Variants in FLNC observed in about 807,000 individuals in gnomAD.
The protein encoded by FLNC is filamin C, also known as filamin-C.
A neutral mutation model predicts 254.3 loss-of-function variants in FLNC; 91 were observed. The ratio of observed to expected loss-of-function variants is 0.36; its 90% CI spans 0.30 to 0.43. FLNC has a LOEUF of 0.43. Ranked by LOEUF, FLNC falls within the 20% of genes least tolerant of loss-of-function variation. The probability of loss-of-function intolerance (pLI) is 1.00; values close to 1 mark genes in which losing one functional copy is unlikely to be tolerated. For synonymous variants in FLNC, 1,430 were observed against 1,577.2 expected (o/e 0.91, Z 2.21); for missense variants, 2,853 against 3,802.6 (o/e 0.75, Z 6.57).
chr7:128,851,659 A>C, intron 35 of FLNC, 31 bp downstream of exon 35: 1 of 1,610,720 alleles, frequency 6.2e-7, no homozygotes, highest in East Asian at 2.2e-5. Flanking sequence ...TGTACAGCCC[A>C]TGAGGCACAC....
At chr7:128,843,641 C>T in intron 18 of FLNC, 64 bp downstream of exon 18, 1 of 1,582,652 alleles carries the variant, frequency 6.3e-7, no homozygotes, top group Non-Finnish European at 8.7e-7. Flanking sequence ...TCTCCCTCCT[C>T]CAGTCCCATG....
Position 128,854,476 on chromosome 7 carries a change from C to T in FLNC, c.6791C>T (p.Ala2264Val), listed in dbSNP as rs2128939470. The change falls in exon 41 of 48, where the codon GCA (alanine) becomes GTA (valine). Residue 2264 changes from alanine to valine, a missense_variant. By Grantham distance (64) the Ala-to-Val change is moderately conservative. Transcript: ENST00000325888. ...VTSPSGKVEA[A>V]EIVEGEDSAY... Reference sequence around the variant, plus strand: ...AGCCCATCGGGCAAGGTGGAAGCCGCAGAGATCGTCGAGGGCGAGGACAGC... The same window carrying T: ...AGCCCATCGGGCAAGGTGGAAGCCGTAGAGATCGTCGAGGGCGAGGACAGC... 7.5e-6 allele frequency: 12 copies of T among 1,608,268 alleles called. No homozygotes were observed. Among genetic ancestry groups the T allele is most frequent in the Non-Finnish European group, 9.3e-6 (11 of 1,177,814 alleles).
Position 128,843,828 on chromosome 7 carries a change from G to A in FLNC, c.2844G>A (p.Gly948=), listed in dbSNP as rs753209849. The A allele has an allele frequency of 3.7e-6, 6 of 1,613,894 alleles. No homozygotes were observed. The East Asian group carries it at 1.1e-4, about 30-fold the overall frequency. Residue 948 remains glycine, a synonymous_variant, in exon 19 of 48, where the codon GGG becomes GGA. Coordinates refer to ENST00000325888, the MANE Select transcript of FLNC (RefSeq NM_001458.5). The part of the protein sequence containing the change: ...GNMAVTVTYG[G]DPVPKSPFVV... ...TGGCAGTGACAGTGACTTATGGCGG[G>A]GACCCTGTCCCCAAGAGCCCCTTTG...
In FLNC at chr7:128,857,960, C is replaced by T. The variant is rs775282450; in HGVS notation, c.7781-48C>T. ...CGAGGGTCCCCTGCCTGGGGAAGAA[C>T]AGGAAGCCCTTCTGACTAGGTTTGT... On this transcript the variant is annotated intron_variant, in intron 46 of 47. Coordinates refer to ENST00000325888, the MANE Select transcript of FLNC (RefSeq NM_001458.5). This position sits in a 1 kb window ranked among gnomAD's most constrained non-coding sequence, Gnocchi z 4.5. 18 of 1,373,468 alleles carry T rather than the reference C, an allele frequency of 1.3e-5. No individual in the cohort carries two copies. The Admixed American group carries it at 1.5e-4, about 12-fold the overall frequency. The allele number at this position is 1,373,468 out of a possible 1,614,324, so 85.1% of individuals were successfully genotyped here.
In FLNC at chr7:128,858,676, C is replaced by G. The variant is rs1809177347; in HGVS notation, c.*153C>G. ...TGGGGGTGAAGTGAAGGCCCAGCCT[C>G]CCCACCCCACCGCGCCCCAGGGGTT... On this transcript the variant is annotated 3_prime_UTR_variant, in exon 48 of 48. Coordinates refer to ENST00000325888, the MANE Select transcript of FLNC (RefSeq NM_001458.5). The surrounding 1 kb of genome is among the most constrained non-coding windows in gnomAD (Gnocchi z 6.7). 3 of 664,050 alleles carry G rather than the reference C, an allele frequency of 4.5e-6. No individual in the cohort carries two copies. In the East Asian group the frequency reaches 8.2e-5, roughly 18 times the overall value. The allele number at this position is 664,050 out of a possible 1,614,324, so 41.1% of individuals were successfully genotyped here. A position where few individuals can be genotyped will look rare whatever the true frequency, so the allele number is the denominator to read the frequency against.
At chr7:128,843,609 G>C (rs776253281) in intron 18 of FLNC, 32 bp downstream of exon 18, 1 of 1,612,636 alleles carries the variant, frequency 6.2e-7, no homozygotes, top group Non-Finnish European at 8.5e-7. Context: ...CTACCGCCCG[G>C]CCGGCCCGCC....
rs763246279 is a variant in FLNC, at chr7:128,844,717, C to T, written c.3252C>T (p.Ser1084=). ...GGLVGTPAPF[S]IDTKGAGTGG... ...TGGTAGGCACCCCCGCGCCATTCTC[C>T]ATCGACACCAAGGGGGCTGGCACAG... The change falls in exon 21 of 48, where the codon TCC becomes TCT. Residue 1084 remains serine, a synonymous_variant. Coordinates refer to ENST00000325888, the MANE Select transcript of FLNC (RefSeq NM_001458.5). The T allele has an allele frequency of 1.9e-6, 3 of 1,613,828 alleles. No individual in the cohort carries two copies. The South Asian group carries it at 3.3e-5, about 18-fold the overall frequency.
chr7:128,847,210 C>G (rs1389605261), intron 24 of FLNC, among the ~76,000 whole-genome samples: 1 of 152,248 alleles, frequency 6.6e-6, no homozygotes, highest in African/African-American at 2.4e-5. Context: ...CAGACACAGT[C>G]CACTCCTCTT....
intron 1 of FLNC, among the ~76,000 whole-genome samples, chr7:128,832,444 A>G (rs1364463008): frequency 6.6e-6 from 1 of 152,150 alleles, no homozygotes; most frequent in Non-Finnish European, 1.5e-5. Context: ...GGCAGGACTG[A>G]CTGTACCAGG....
chr7:128,843,103 A>AG, intron 16 of FLNC, 126 bp from the exon 17 acceptor site: 3 of 1,366,420 alleles, frequency 2.2e-6, no homozygotes, highest in Non-Finnish European at 3.1e-6. Flanking sequence ...GAGGAAGCAA[A>AG]GGGGGCCCTT....
rs200456962 is a variant in FLNC, at chr7:128,847,877, C to T, written c.4456+13C>T. ...CTGGGCCCCACAGGTATAGAATGGCCGGGGCAGGGAGGAGGGAGGTGGGGC... is the reference window on the plus strand; with the variant it reads ...CTGGGCCCCACAGGTATAGAATGGCTGGGGCAGGGAGGAGGGAGGTGGGGC... On this transcript the variant is annotated intron_variant, in intron 25 of 47. Transcript: ENST00000325888. The T allele has an allele frequency of 5.1e-4, 823 of 1,608,752 alleles. 6 individuals carry two copies. The highest frequency in any genetic ancestry group is 1.2e-4 in the Non-Finnish European group (142 of 1,177,280).
Position 128,846,073 on chromosome 7 carries a change from G to A in FLNC, c.3874G>A (p.Val1292Met). The change falls in exon 22 of 48, where the codon GTG becomes ATG. Residue 1292 changes from valine (V) to methionine (M), a missense_variant. Physicochemically the swap from Val to Met is conservative, Grantham distance 21. Coordinates refer to ENST00000325888, the MANE Select transcript of FLNC (RefSeq NM_001458.5). ...ATGGNHVTAR[V>M]LNPSGAKTDT... ...AGGCGGCAACCACGTGACGGCTCGT[G>A]TGCTCAACCCCTCGGGGGCCAAGAC... The A allele has an allele frequency of 1.2e-6, 2 of 1,613,960 alleles. No homozygotes were observed. Among genetic ancestry groups the A allele is most frequent in the African/African-American group, 2.7e-5 (2 of 75,034 alleles).
At chr7:128,846,254 G>T (rs759362946) in intron 22 of FLNC, 47 bp from the exon 23 acceptor site, 3 of 1,611,082 alleles carry the variant, frequency 1.9e-6, no homozygotes, top group Non-Finnish European at 1.7e-6. Flanking sequence ...AGGAGGGGTG[G>T]TGGGGGCGCA....
rs777055213 is a variant in FLNC, at chr7:128,854,566, G to A, written c.6881G>A (p.Gly2294Asp). ...GPHTVAVKYR[G>D]QHVPGSPFQF... Reference sequence around the variant, plus strand: ...CATACGGTCGCTGTCAAGTACCGTGGCCAGCACGTGCCCGGCAGCCCCTTT... The same window carrying A: ...CATACGGTCGCTGTCAAGTACCGTGACCAGCACGTGCCCGGCAGCCCCTTT... The change falls in exon 41 of 48, where the codon GGC becomes GAC. Residue 2294 changes from glycine (G) to aspartate (D), a missense_variant. Physicochemically the swap from Gly to Asp is moderately conservative, Grantham distance 94. Around this residue, in one of 10 missense-constraint regions of FLNC, gnomAD observed 551 missense variants for 835.0 expected, o/e 0.66. Coordinates refer to ENST00000325888, the MANE Select transcript of FLNC (RefSeq NM_001458.5). 6.2e-7 allele frequency: 1 copy of A among 1,608,702 alleles called. No individual in the cohort carries two copies. Among genetic ancestry groups the A allele is most frequent in the South Asian group, 1.1e-5 (1 of 90,262 alleles).
At chr7:128,832,532 C>T (rs374989409) in intron 1 of FLNC, among the ~76,000 whole-genome samples, 2 of 152,188 alleles carry the variant, frequency 1.3e-5, no homozygotes, top group South Asian at 2.1e-4. Context: ...CTCCAGTCTG[C>T]GGGGGCTCTC....
Position 128,842,829 on chromosome 7 carries a change from G to A in FLNC, c.2425G>A (p.Val809Met), listed in dbSNP as rs775770671. ...VSIGIKCAPG[V>M]VGPAEADIDF... ...CATCGGCATCAAGTGCGCCCCAGGC[G>A]TGGTGGGCCCTGCAGAGGCTGACAT... The change falls in exon 16 of 48, where the codon GTG (valine) becomes ATG (methionine). Residue 809 changes from valine to methionine, a missense_variant. Around this residue, in one of 10 missense-constraint regions of FLNC, gnomAD observed 1,573 missense variants for 1,883.5 expected, o/e 0.84. Transcript: ENST00000325888. This position sits in a 1 kb window ranked among gnomAD's most constrained non-coding sequence, Gnocchi z 5.4. The A allele has an allele frequency of 2.5e-5, 41 of 1,613,764 alleles. No individual in the cohort carries two copies. The highest frequency in any genetic ancestry group is 3.1e-5 in the Non-Finnish European group (36 of 1,180,036).
chr7:128,855,964 G>A (rs1018330557), intron 43 of FLNC, among the ~76,000 whole-genome samples: 5 of 152,144 alleles, frequency 3.3e-5, no homozygotes, highest in Non-Finnish European at 7.4e-5. Context: ...TCTCCCACGC[G>A]CCTCCTGGCT....
In FLNC at chr7:128,848,613, AGCGGCCCAGGCCTCAACGCC is replaced by A; in HGVS notation, c.4634_4653del (p.Ser1545IlefsTer33). 1 of 1,613,862 alleles carries A rather than the reference AGCGGCCCAGGCCTCAACGCC, an allele frequency of 6.2e-7. No homozygotes were observed. The highest frequency in any genetic ancestry group is 2.2e-5 in the East Asian group (1 of 44,880). On this transcript the variant is annotated frameshift_variant, in exon 27 of 48. Transcript: ENST00000325888. LOFTEE classifies it high-confidence loss of function. Reference sequence around the variant, plus strand: ...TCATGATGCCAGCAAGGTGCGGGCCAGCGGCCCAGGCCTCAACGCCTCTGGCATCCCTGCCAGCCTGCCTG... The same window carrying A: ...TCATGATGCCAGCAAGGTGCGGGCCATCTGGCATCCCTGCCAGCCTGCCTG...
At chr7:128,850,970 G>T (rs1287319352) in intron 33 of FLNC, 27 bp downstream of exon 33, 1 of 1,612,792 alleles carries the variant, frequency 6.2e-7, no homozygotes, top group Admixed American at 1.7e-5. Context: ...GCTGGGCTGG[G>T]GCTTGGGTGA....
Sources: allele counts gnomAD v4.1 joint callset (sites outside exome capture counted in the v4.1 genomes callset), GRCh38; gene constraint gnomAD v4.1.1; regional missense constraint gnomAD v4.1.1; non-coding constraint Gnocchi (gnomAD v3.1); transcripts MANE v1.5; gene names NCBI Gene and HGNC (gene_info 2026-07-23, HGNC 2026-07-21).